Variants in SEPTIN7 observed in about 807,000 individuals in gnomAD.
SEPTIN7 encodes the protein septin-7.
SEPTIN7 carries 10 observed loss-of-function variants against 63.3 expected under a neutral mutation model. The ratio of observed to expected loss-of-function variants is 0.16; its 90% CI spans 0.10 to 0.27. SEPTIN7 has a LOEUF of 0.27. Ranked by LOEUF, SEPTIN7 falls within the 10% of genes least tolerant of loss-of-function variation. The probability of loss-of-function intolerance (pLI) is 1.00; values close to 1 mark genes in which losing one functional copy is unlikely to be tolerated. For missense variants in SEPTIN7, 310 were observed against 521.0 expected (o/e 0.59, Z 3.94); for synonymous variants, 131 against 165.3 (o/e 0.79, Z 1.59).
At chr7:35,825,223 G>A (rs1004225871) in intron 1 of SEPTIN7, among the ~76,000 whole-genome samples, 1 of 152,112 alleles carries the variant, frequency 6.6e-6, no homozygotes, top group Non-Finnish European at 1.5e-5. Flanking sequence ...TGTATCTTTA[G>A]TGTTCTTCCT....
chr7:35,887,206 C>A (rs1787311771), intron 10 of SEPTIN7, among the ~76,000 whole-genome samples: 1 of 152,180 alleles, frequency 6.6e-6, no homozygotes, highest in Non-Finnish European at 1.5e-5. Flanking sequence ...CCATTGCATT[C>A]CTCTTGTTTT....
chr7:35,871,455 A>C (rs765559654), intron 4 of SEPTIN7, among the ~76,000 whole-genome samples: 10 of 152,226 alleles, frequency 6.6e-5, no homozygotes, highest in Non-Finnish European at 1.3e-4. Flanking sequence ...AGGACTAAGT[A>C]GCCACATGGA....
intron 3 of SEPTIN7, 35 bp from the exon 4 acceptor site, chr7:35,863,517 T>C: frequency 7.7e-7 from 1 of 1,302,330 alleles, no homozygotes; most frequent in Non-Finnish European, 1.1e-6. Flanking sequence ...GTAAAGTGGG[T>C]GAGTTTAACA....
chr7:35,904,599 TTTGA>T lies in SEPTIN7; in HGVS notation c.*310_*313del. On this transcript the variant is annotated 3_prime_UTR_variant, in exon 14 of 14. Transcript: ENST00000350320. The stretch of plus-strand genomic sequence containing the variant: ...CTGTTGTACAATCATGTTCTGGTGG[TTTGA>T]TTGTTTACAGGATATTCCAAAATAA... 1 of 214,294 alleles carries T rather than the reference TTTGA, an allele frequency of 4.7e-6. No homozygotes were observed. Among genetic ancestry groups the T allele is most frequent in the Non-Finnish European group, 9.2e-6 (1 of 109,052 alleles). The allele number at this position is 214,294 out of a possible 1,614,324, so 13.3% of individuals were successfully genotyped here. A position where few individuals can be genotyped will look rare whatever the true frequency, so the allele number is the denominator to read the frequency against.
chr7:35,860,218 C>G (rs1374325092), intron 3 of SEPTIN7, among the ~76,000 whole-genome samples: 1 of 151,782 alleles, frequency 6.6e-6, no homozygotes, highest in Non-Finnish European at 1.5e-5. Flanking sequence ...ACCAATCTAA[C>G]TTAAATCACA....
chr7:35,858,726 G>C (rs1008685756), intron 3 of SEPTIN7, among the ~76,000 whole-genome samples: 5 of 148,946 alleles, frequency 3.4e-5, no homozygotes, highest in African/African-American at 1.2e-4. Context: ...TGTTGCCCAG[G>C]CTGGAGTGCC....
At chr7:35,894,303 C>G (rs1480559559) in intron 11 of SEPTIN7, among the ~76,000 whole-genome samples, 1 of 151,926 alleles carries the variant, frequency 6.6e-6, no homozygotes, top group Non-Finnish European at 1.5e-5. Context: ...TGGGGCACAC[C>G]CTTGTCTCTC....
chr7:35,904,285 A>G lies in SEPTIN7; in HGVS notation c.1306A>G (p.Ile436Val). 1.3e-6 allele frequency: 2 copies of G among 1,564,506 alleles called. No individual in the cohort carries two copies. The highest frequency in any genetic ancestry group is 1.7e-6 in the Non-Finnish European group (2 of 1,154,290). ...GGAAAAGAACAAGAAGAAAGGGAAGATCTTTTAAACTCTCTATTGACCACC... is the reference window on the plus strand; with the variant it reads ...GGAAAAGAACAAGAAGAAAGGGAAGGTCTTTTAAACTCTCTATTGACCACC... ...TLEKNKKKGK[I>V]F is the part of the protein sequence containing the mutation. The change falls in exon 14 of 14, where the codon ATC (isoleucine) becomes GTC (valine). Residue 436 changes from isoleucine (I) to valine (V), a missense_variant. Ile to Val is a conservative substitution (Grantham distance 29). Coordinates refer to ENST00000350320, the MANE Select transcript of SEPTIN7 (RefSeq NM_001788.6).
In SEPTIN7 at chr7:35,904,655, G is replaced by A. The variant is rs1362990464; in HGVS notation, c.*362G>A. The A allele has an allele frequency of 1.2e-5, 2 of 166,058 alleles. No individual in the cohort carries two copies. The highest frequency in any genetic ancestry group is 2.6e-5 in the Non-Finnish European group (2 of 77,456). 10.3% of individuals were successfully genotyped at this position (166,058 alleles called of 1,614,324 possible). A position where few individuals can be genotyped will look rare whatever the true frequency, so the allele number is the denominator to read the frequency against. ...AGGACTCTGGAAGATTTTCATTGAG[G>A]ATAAATTGCCATAATATGATGCAAA... On this transcript the variant is annotated 3_prime_UTR_variant, in exon 14 of 14. Transcript: ENST00000350320.
At chr7:35,888,060 A>G (rs753455978) in intron 10 of SEPTIN7, among the ~76,000 whole-genome samples, 4 of 152,224 alleles carry the variant, frequency 2.6e-5, no homozygotes, top group Non-Finnish European at 5.9e-5. Context: ...GATGGAAAGG[A>G]GGAAAACTAT....
intron 1 of SEPTIN7, among the ~76,000 whole-genome samples, chr7:35,818,044 G>A (rs995667327): frequency 1.3e-5 from 2 of 151,904 alleles, no homozygotes; most frequent in African/African-American, 4.8e-5. Context: ...ATTAGGAGTA[G>A]CAATGATAGA....
intron 3 of SEPTIN7, among the ~76,000 whole-genome samples, chr7:35,846,087 A>G (rs1784652896): frequency 6.6e-6 from 1 of 152,182 alleles, no homozygotes; most frequent in Non-Finnish European, 1.5e-5. Flanking sequence ...ATGGCATTTT[A>G]AGAGAGAGGA....
At chr7:35,876,446 T>G (rs747857723) in intron 6 of SEPTIN7, among the ~76,000 whole-genome samples, 1 of 152,180 alleles carries the variant, frequency 6.6e-6, no homozygotes, top group African/African-American at 2.4e-5. Flanking sequence ...ACCATAACAA[T>G]TTAGAAATCT....
chr7:35,867,925 G>A (rs913253482), intron 4 of SEPTIN7, among the ~76,000 whole-genome samples: 2 of 151,410 alleles, frequency 1.3e-5, no homozygotes, highest in Admixed American at 6.6e-5. Context: ...AGGCTGGAGT[G>A]CAGTGGTGTG....
intron 3 of SEPTIN7, among the ~76,000 whole-genome samples, chr7:35,858,030 C>T (rs1785295768): frequency 6.6e-6 from 1 of 152,090 alleles, no homozygotes; most frequent in Non-Finnish European, 1.5e-5. Context: ...GCAGCCTCTT[C>T]CTCCTGGTTC....
intron 3 of SEPTIN7, among the ~76,000 whole-genome samples, chr7:35,851,720 A>G (rs1473592275): frequency 6.6e-6 from 1 of 152,172 alleles, no homozygotes; most frequent in East Asian, 1.9e-4. Context: ...AGTAAAGCCA[A>G]TGAACAAGGA....
At chr7:35,896,369 A>G (rs1173862005) in intron 11 of SEPTIN7, among the ~76,000 whole-genome samples, 1 of 152,168 alleles carries the variant, frequency 6.6e-6, no homozygotes, top group Non-Finnish European at 1.5e-5. Context: ...TTGTTTTTAG[A>G]TTGTTTCTTT....
At chr7:35,878,395 TA>T (rs1490590967) in intron 6 of SEPTIN7, among the ~76,000 whole-genome samples, 3 of 152,052 alleles carry the variant, frequency 2.0e-5, no homozygotes, top group African/African-American at 7.2e-5. Flanking sequence ...ACATTGGAAG[TA>T]GGAGGCGAAA....
chr7:35,864,024 T>A (rs1223264879), intron 4 of SEPTIN7, among the ~76,000 whole-genome samples: 1 of 151,336 alleles, frequency 6.6e-6, no homozygotes, highest in Non-Finnish European at 1.5e-5. Context: ...TTTCAAGTGC[T>A]CAACAGCCCA....
Sources: allele counts gnomAD v4.1 joint callset (sites outside exome capture counted in the v4.1 genomes callset), GRCh38; gene constraint gnomAD v4.1.1; transcripts MANE v1.5; gene names NCBI Gene and HGNC (gene_info 2026-07-23, HGNC 2026-07-21).